The following SAMMSON variants were observed in gnomAD, a reference collection of about 807,000 sequenced individuals.
SAMMSON encodes the protein survival associated mitochondrial melanoma specific oncogenic non-coding RNA.
At chr3:70,339,378 G>A (rs1015827633) in intron 7 of SAMMSON, among the ~76,000 whole-genome samples, 2 of 152,150 alleles carry the variant, frequency 1.3e-5, no homozygotes, top group Non-Finnish European at 2.9e-5. Context: ...AAAAGCAATG[G>A]CAACAAAAGC....
chr3:70,141,826 C>A (rs544458906), intron 4 of SAMMSON, among the ~76,000 whole-genome samples: 1 of 152,146 alleles, frequency 6.6e-6, no homozygotes, highest in Non-Finnish European at 1.5e-5. Flanking sequence ...AGAATAGAGC[C>A]AGGACACAGG....
At chr3:70,122,050 A>G (rs1296247231) in intron 4 of SAMMSON, among the ~76,000 whole-genome samples, 1 of 152,112 alleles carries the variant, frequency 6.6e-6, no homozygotes, top group African/African-American at 2.4e-5. Flanking sequence ...AAATTATCCT[A>G]TTATACTGTT....
At chr3:70,086,117 G>A (rs1233163542) in intron 4 of SAMMSON, among the ~76,000 whole-genome samples, 1 of 152,160 alleles carries the variant, frequency 6.6e-6, no homozygotes, top group South Asian at 2.1e-4. Flanking sequence ...TCAACAAAAG[G>A]TCAGTCTGTT....
At chr3:70,188,826 A>G (rs1701110164) in intron 4 of SAMMSON, among the ~76,000 whole-genome samples, 2 of 152,244 alleles carry the variant, frequency 1.3e-5, no homozygotes, top group Non-Finnish European at 2.9e-5. Flanking sequence ...AACTCAATGC[A>G]TTTGACTGGT....
At chr3:70,215,758 G>T (rs900315274) in intron 4 of SAMMSON, among the ~76,000 whole-genome samples, 1 of 152,108 alleles carries the variant, frequency 6.6e-6, no homozygotes, top group Non-Finnish European at 1.5e-5. Context: ...CATGGTGTCT[G>T]GCAGAAAGCA....
intron 7 of SAMMSON, among the ~76,000 whole-genome samples, chr3:70,340,487 T>C (rs1702703696): frequency 6.6e-6 from 1 of 152,114 alleles, no homozygotes; most frequent in Non-Finnish European, 1.5e-5. Context: ...AGGTTCCTAC[T>C]ACCTTAACTG....
chr3:70,043,049 T>A (rs980674191), intron 3 of SAMMSON, among the ~76,000 whole-genome samples: 1 of 152,162 alleles, frequency 6.6e-6, no homozygotes, highest in Non-Finnish European at 1.5e-5. Flanking sequence ...CTTTTTCATG[T>A]ATATCATGCA....
At chr3:70,214,200 T>C (rs1029670385) in intron 4 of SAMMSON, among the ~76,000 whole-genome samples, 2 of 152,056 alleles carry the variant, frequency 1.3e-5, no homozygotes, top group Non-Finnish European at 2.9e-5. Flanking sequence ...ATAAATAAGA[T>C]ACATATATTT....
intron 7 of SAMMSON, chr3:70,291,729 T>TA (rs1397621570): frequency 9.2e-5 from 14 of 152,214 alleles, no homozygotes; most frequent in Admixed American, 9.2e-4. Context: ...TGACAACAGA[T>TA]TAGAAAATGA....
At chr3:70,026,723 G>A (rs189269428) in intron 3 of SAMMSON, among the ~76,000 whole-genome samples, 346 of 152,300 alleles carry the variant, frequency 2.3e-3, no homozygotes, top group African/African-American at 8.1e-3. Flanking sequence ...AGGAGCAAGG[G>A]TCCTCTGAGT....
Position 70,147,824 on chromosome 3 carries a change from T to C in SAMMSON, n.507+76259T>C, listed in dbSNP as rs144220034. On this transcript the variant is annotated intron_variant and non_coding_transcript_variant, in intron 4 of 9. Transcript: ENST00000642114. Reference sequence around the variant, plus strand: ...TTGGACATCATCAAAATTAAAATCTTATGCTCTGCAAAACACATTGTTAAG... The same window carrying C: ...TTGGACATCATCAAAATTAAAATCTCATGCTCTGCAAAACACATTGTTAAG... Among the ~76,000 whole-genome samples the C allele has an allele frequency of 8.5e-5, 13 of 152,152 alleles. No homozygotes were observed. In the East Asian group the frequency reaches 2.5e-3, roughly 29 times the overall value.
intron 6 of SAMMSON, among the ~76,000 whole-genome samples, chr3:70,264,158 T>C (rs1701893354): frequency 6.6e-6 from 1 of 152,256 alleles, no homozygotes; most frequent in South Asian, 2.1e-4. Context: ...GCATATGTTT[T>C]GCATTTATTC....
At chr3:70,201,549 C>G (rs1170576801) in intron 4 of SAMMSON, among the ~76,000 whole-genome samples, 2 of 152,154 alleles carry the variant, frequency 1.3e-5, no homozygotes, top group Non-Finnish European at 2.9e-5. Flanking sequence ...GAGTTGAGTA[C>G]TATTATGATC....
chr3:70,128,244 C>A (rs566620133), intron 4 of SAMMSON, among the ~76,000 whole-genome samples: 1 of 152,156 alleles, frequency 6.6e-6, no homozygotes, highest in Non-Finnish European at 1.5e-5. Context: ...CCTCAATTCC[C>A]CTTATTCCTC....
intron 9 of SAMMSON, among the ~76,000 whole-genome samples, chr3:70,379,274 A>C (rs940322248): frequency 3.9e-5 from 6 of 152,190 alleles, no homozygotes; most frequent in Non-Finnish European, 8.8e-5. Context: ...GGCCTCCCGA[A>C]GTGTACTTAC....
At chr3:70,304,408 A>C (rs537276636) in intron 7 of SAMMSON, among the ~76,000 whole-genome samples, 1 of 152,288 alleles carries the variant, frequency 6.6e-6, no homozygotes, top group African/African-American at 2.4e-5. Flanking sequence ...TGCCCAGTTG[A>C]CAGTTTCCAT....
At chr3:70,235,285 T>C (rs1429078176) in intron 4 of SAMMSON, among the ~76,000 whole-genome samples, 1 of 152,186 alleles carries the variant, frequency 6.6e-6, no homozygotes, top group Non-Finnish European at 1.5e-5. Context: ...GATGCATTCT[T>C]AGGTGTACTA....
At chr3:70,280,044 G>A (rs1702065365) in intron 6 of SAMMSON, among the ~76,000 whole-genome samples, 1 of 152,154 alleles carries the variant, frequency 6.6e-6, no homozygotes, top group South Asian at 2.1e-4. Flanking sequence ...CAGTTTCACT[G>A]GAGCAAAATC....
chr3:70,325,210 T>C (rs1185553813), intron 7 of SAMMSON, among the ~76,000 whole-genome samples: 1 of 152,122 alleles, frequency 6.6e-6, no homozygotes, highest in Admixed American at 6.6e-5. Context: ...ACATTACTGG[T>C]ATATTTGGTA....
Sources: allele counts gnomAD v4.1 joint callset (sites outside exome capture counted in the v4.1 genomes callset), GRCh38; gene constraint gnomAD v4.1.1; transcripts MANE v1.5; gene names NCBI Gene and HGNC (gene_info 2026-07-23, HGNC 2026-07-21).